Variants in LPP observed in about 807,000 individuals in gnomAD.
LPP encodes the protein LIM domain containing preferred translocation partner in lipoma, also known as lipoma-preferred partner.
Under a neutral mutation model 60.4 loss-of-function variants are expected in LPP, and 38 were observed. The ratio of observed to expected loss-of-function variants is 0.63; its 90% confidence interval spans 0.49 to 0.83. The LOEUF (loss-of-function observed/expected upper bound fraction) is 0.83. Among genes scored for constraint, LPP ranks in the 40% least tolerant of loss-of-function variants. The pLI, the probability that LPP is intolerant of heterozygous loss-of-function variation, is 0.00. For synonymous variants in LPP, 328 were observed against 290.8 expected (o/e 1.13, Z -1.30); for missense variants, 902 against 783.6 (o/e 1.15, Z -1.80).
intron 7 of LPP, among the ~76,000 whole-genome samples, chr3:188,611,697 C>T (rs1843748045): frequency 6.6e-6 from 1 of 152,294 alleles, no homozygotes; most frequent in Non-Finnish European, 1.5e-5. Context: ...ATTGTGTTAT[C>T]CCACATAGGA....
At chr3:188,318,750 A>ATTTTTTTTTTTTTTT (rs1578073052) in intron 2 of LPP, among the ~76,000 whole-genome samples, 6 of 120,492 alleles carry the variant, frequency 5.0e-5, no homozygotes, top group East Asian at 2.8e-4. Context: ...AAAAATTATG[A>ATTTTTTTTTTTTTTT]TTCTTTTTTT....
At chr3:188,175,841 A>T (rs344959) in intron 1 of LPP, among the ~76,000 whole-genome samples, 3 of 148,202 alleles carry the variant, frequency 2.0e-5, no homozygotes, top group Non-Finnish European at 4.4e-5. Flanking sequence ...TGTACATGTT[A>T]ATTTTTTTTT....
At chr3:188,162,032 C>T (rs933948596) in intron 1 of LPP, among the ~76,000 whole-genome samples, 3 of 152,150 alleles carry the variant, frequency 2.0e-5, no homozygotes, top group African/African-American at 7.2e-5. Flanking sequence ...TTTTTGCTTG[C>T]CTAGAAGTTT....
chr3:188,856,374 C>G (rs1225946257), intron 9 of LPP, among the ~76,000 whole-genome samples: 2 of 152,052 alleles, frequency 1.3e-5, no homozygotes, highest in African/African-American at 4.8e-5. Flanking sequence ...AGTATGGGTA[C>G]TTGTGTATAT....
rs956120845 is a variant in LPP at position 188,738,889 on chromosome 3, G to A, written c.1241-21224G>A. Among the ~76,000 whole-genome samples the A allele has an allele frequency of 3.9e-5, 6 of 152,084 alleles. No homozygotes were observed. The South Asian group carries it at 1.2e-3, about 32-fold the overall frequency. On this transcript the variant is annotated intron_variant, in intron 8 of 11. Coordinates refer to ENST00000617246, the MANE Select transcript of LPP (RefSeq NM_001375462.1). ...TCGGACTCCTTGTGAAGGATGACTC[G>A]CTATCTGATTGGTCTTTAAAAAAAT...
rs953262636 is a variant in LPP at position 188,217,566 on chromosome 3, G to C, written c.-189-7839G>C. Among the ~76,000 whole-genome samples, 1 of 152,168 alleles carries C rather than the reference G, an allele frequency of 6.6e-6. No individual in the cohort carries two copies. Among genetic ancestry groups the C allele is most frequent in the Non-Finnish European group, 1.5e-5 (1 of 68,038 alleles). ...TAGACTTTTACCGTAATTCAGGTGT[G>C]ATGTGGTGGTAACTTTGACTAGGGC... is the stretch of plus-strand genomic sequence containing the variant. On this transcript the variant is annotated intron_variant, in intron 1 of 11. Coordinates refer to ENST00000617246, the MANE Select transcript of LPP (RefSeq NM_001375462.1). The surrounding 1 kb of genome is among the most constrained non-coding windows in gnomAD (Gnocchi z 4.0).
intron 2 of LPP, among the ~76,000 whole-genome samples, chr3:188,239,335 C>A (rs965759666): frequency 2.0e-5 from 3 of 152,164 alleles, no homozygotes; most frequent in Non-Finnish European, 4.4e-5. Flanking sequence ...GTTGCTTCCT[C>A]ATTTTATTTA....
At chr3:188,783,710 GT>G (rs1229552765) in intron 9 of LPP, among the ~76,000 whole-genome samples, 2 of 109,388 alleles carry the variant, frequency 1.8e-5, no homozygotes, top group East Asian at 4.0e-4. Context: ...TAAAATAAAA[GT>G]TTTTTTTAAA....
chr3:188,478,470 TACC>T (rs1197307018), intron 4 of LPP, among the ~76,000 whole-genome samples: 1 of 152,124 alleles, frequency 6.6e-6, no homozygotes, highest in Non-Finnish European at 1.5e-5. Flanking sequence ...ATAGCAATAT[TACC>T]ACATTATATA....
chr3:188,518,236 A>G (rs1217479172), intron 5 of LPP, among the ~76,000 whole-genome samples: 1 of 152,182 alleles, frequency 6.6e-6, no homozygotes, highest in Non-Finnish European at 1.5e-5. Flanking sequence ...TCCTTTAGTT[A>G]TCACCATTTT....
intron 8 of LPP, among the ~76,000 whole-genome samples, chr3:188,730,779 C>T (rs1397441369): frequency 6.6e-6 from 1 of 152,208 alleles, no homozygotes; most frequent in Non-Finnish European, 1.5e-5. Context: ...GTTAGCAAAG[C>T]TGCATTTGTC....
rs548532403 is a variant in LPP at position 188,811,388 on chromosome 3, A to ACG, written c.1410+51107_1410+51108insGC. 7.4e-3 allele frequency among the ~76,000 whole-genome samples: 1,109 copies of ACG among 150,870 alleles called. 15 individuals are homozygous for ACG. The highest frequency in any genetic ancestry group is 0.026 in the African/African-American group (1,053 of 40,868). On this transcript the variant is annotated intron_variant, in intron 9 of 11. Transcript: ENST00000617246. The stretch of plus-strand genomic sequence containing the variant: ...CACACACACACACACACACACACGC[A>ACG]CACACGCTCAAAGAGTAGGGAGAGA...
chr3:188,468,549 A>G (rs563886648), intron 4 of LPP, among the ~76,000 whole-genome samples: 2 of 152,224 alleles, frequency 1.3e-5, no homozygotes, highest in South Asian at 2.1e-4. Context: ...TCAGTTTATA[A>G]CATTGTGCCG....
intron 9 of LPP, among the ~76,000 whole-genome samples, chr3:188,765,511 G>A (rs529609331): frequency 2.0e-5 from 3 of 151,994 alleles, no homozygotes; most frequent in South Asian, 2.1e-4. Flanking sequence ...TAATGCTACC[G>A]AGCATCTGTT....
chr3:188,384,789 CAAAAAAAAAAAAAAAAAA>C (rs561284077), intron 3 of LPP, among the ~76,000 whole-genome samples: 3 of 51,452 alleles, frequency 5.8e-5, no homozygotes, highest in Admixed American at 2.3e-4. Flanking sequence ...GACTCTGTCT[CAAAAAAAAAAAAAAAAAA>C]AAAAAAAAAA....
intron 7 of LPP, among the ~76,000 whole-genome samples, chr3:188,621,122 A>T (rs989861884): frequency 6.7e-6 from 1 of 148,692 alleles, no homozygotes; most frequent in Non-Finnish European, 1.5e-5. Context: ...AATTTTTTGA[A>T]AAAAGCAATT....
chr3:188,509,876 T>TG (rs1447624604), intron 5 of LPP, among the ~76,000 whole-genome samples: 1 of 141,368 alleles, frequency 7.1e-6, no homozygotes, highest in Non-Finnish European at 1.5e-5. Context: ...TTTTGTTGTT[T>TG]TTTTTTTTTT....
chr3:188,504,377 A>C (rs1812840829), intron 5 of LPP, among the ~76,000 whole-genome samples: 1 of 152,004 alleles, frequency 6.6e-6, no homozygotes, highest in Non-Finnish European at 1.5e-5. Context: ...CATGTTTAAG[A>C]CAGTAGTTTT....
intron 9 of LPP, among the ~76,000 whole-genome samples, chr3:188,833,686 A>C (rs769858869): frequency 5.3e-4 from 81 of 152,120 alleles, no homozygotes; most frequent in Admixed American, 1.1e-3. Context: ...TTGCACTCTC[A>C]GTCAGCCTCA....
Sources: gnomAD v4.1 joint callset for allele counts (sites outside exome capture counted in the v4.1 genomes callset) on GRCh38, gnomAD v4.1.1 for gene constraint, Gnocchi (gnomAD v3.1) non-coding constraint, MANE v1.5 for transcripts, NCBI Gene and HGNC (gene_info 2026-07-23, HGNC 2026-07-21) for gene names.